The following NALF1 variants were observed in gnomAD, a reference collection of about 807,000 sequenced individuals.
The protein encoded by NALF1 is NALCN channel auxiliary factor 1.
In NALF1, 3 loss-of-function variants were observed where a neutral mutation model predicts 48.4. That is an observed-to-expected ratio of 0.06 (90% CI 0.03 to 0.16). The LOEUF is 0.16. Ranked by LOEUF, NALF1 falls within the 10% of genes least tolerant of loss-of-function variation. NALF1 has a pLI of 1.00. For missense variants in NALF1, 526 were observed against 571.5 expected (o/e 0.92, Z 0.81); for synonymous variants, 262 against 245.7 (o/e 1.07, Z -0.62).
At chr13:107,610,357 T>C (rs1879193341) in intron 1 of NALF1, among the ~76,000 whole-genome samples, 1 of 152,100 alleles carries the variant, frequency 6.6e-6, no homozygotes, top group Non-Finnish European at 1.5e-5. Flanking sequence ...TTCCAAAATA[T>C]CTACTTACCT....
At chr13:107,268,238 T>C (rs903650654) in intron 1 of NALF1, among the ~76,000 whole-genome samples, 1 of 152,062 alleles carries the variant, frequency 6.6e-6, no homozygotes, top group Non-Finnish European at 1.5e-5. Context: ...TCTGGCCGCC[T>C]CGGCCTCCCA....
intron 1 of NALF1, chr13:107,531,119 T>C (rs920528511): frequency 3.0e-5 from 5 of 164,720 alleles, no homozygotes; most frequent in Non-Finnish European, 7.3e-5. Context: ...TATTTTAACA[T>C]AGCTCTCCAG....
At chr13:107,363,503 G>T (rs770143220) in intron 1 of NALF1, among the ~76,000 whole-genome samples, 19 of 152,242 alleles carry the variant, frequency 1.2e-4, no homozygotes, top group Non-Finnish European at 2.5e-4. Flanking sequence ...AGAGGCTGAA[G>T]TGGGAGGACT....
intron 1 of NALF1, among the ~76,000 whole-genome samples, chr13:107,664,474 T>C (rs1308727550): frequency 1.3e-5 from 2 of 152,152 alleles, no homozygotes; most frequent in Admixed American, 1.3e-4. Context: ...TAACCCTCCA[T>C]TGTTTCCTAT....
chr13:107,215,746 G>T (rs1879859935), intron 1 of NALF1, among the ~76,000 whole-genome samples: 2 of 152,138 alleles, frequency 1.3e-5, no homozygotes, highest in South Asian at 2.1e-4. Context: ...AGGTGTGCTT[G>T]TGTGGTGTCC....
At chr13:107,857,205 CG>C (rs1259545835) in intron 1 of NALF1, among the ~76,000 whole-genome samples, 1 of 152,140 alleles carries the variant, frequency 6.6e-6, no homozygotes, top group African/African-American at 2.4e-5. Context: ...AGCTCTAGCT[CG>C]ACATCAAGGA....
chr13:107,848,098 G>T (rs547609609), intron 1 of NALF1, among the ~76,000 whole-genome samples: 1 of 152,266 alleles, frequency 6.6e-6, no homozygotes, highest in Non-Finnish European at 1.5e-5. Flanking sequence ...ATAATTCATT[G>T]TTTGCCACTT....
intron 1 of NALF1, among the ~76,000 whole-genome samples, chr13:107,383,116 A>C (rs1883469906): frequency 2.0e-5 from 3 of 152,186 alleles, no homozygotes; most frequent in Admixed American, 6.6e-5. Flanking sequence ...TGACCTTATT[A>C]AACTCTAAGG....
At chr13:107,201,200 C>T (rs1246284098) in intron 2 of NALF1, among the ~76,000 whole-genome samples, 1 of 151,586 alleles carries the variant, frequency 6.6e-6, no homozygotes, top group Non-Finnish European at 1.5e-5. Context: ...TCTATCTACC[C>T]ATCCATAAGT....
At position 107,521,764 on chromosome 13, in the gene NALF1, T is replaced by C. The variant is rs564423352; in HGVS notation, c.916-311009A>G. 7.2e-5 allele frequency among the ~76,000 whole-genome samples: 11 copies of C among 152,198 alleles called. No individual in the cohort carries two copies. In the East Asian group the frequency reaches 2.1e-3, roughly 29 times the overall value. On this transcript the variant is annotated intron_variant, in intron 1 of 2. Transcript: ENST00000375915. The stretch of plus-strand genomic sequence containing the variant: ...AGCCCATTGCCAAATAAACTATATA[T>C]ACCTAGGAGTACAAGAAAGACTTTT...
chr13:107,567,048 C>A lies in NALF1; in HGVS notation c.915+298634G>T, dbSNP rs116092511. On this transcript the variant is annotated intron_variant, in intron 1 of 2. Coordinates refer to ENST00000375915, the MANE Select transcript of NALF1 (RefSeq NM_001080396.3). ...GCATAAAAATAACAAATATTAAAGA[C>A]AAACATAATGAAAGAAATGAAAAAA... Among the ~76,000 whole-genome samples, 1,089 of 151,996 alleles carry A rather than the reference C, an allele frequency of 7.2e-3. 8 individuals are homozygous for A. The highest frequency in any genetic ancestry group is 0.03 in the South Asian group (143 of 4,824).
At chr13:107,394,529 C>T (rs1210617883) in intron 1 of NALF1, among the ~76,000 whole-genome samples, 2 of 152,236 alleles carry the variant, frequency 1.3e-5, no homozygotes, top group Non-Finnish European at 2.9e-5. Context: ...TGTGTATAGA[C>T]ATATCTCATT....
intron 1 of NALF1, among the ~76,000 whole-genome samples, chr13:107,755,270 G>A (rs1488898986): frequency 6.6e-6 from 1 of 151,928 alleles, no homozygotes; most frequent in Non-Finnish European, 1.5e-5. Context: ...ACATGTAGAA[G>A]GCACATCTTC....
rs576792017 is a variant in NALF1 at position 107,729,847 on chromosome 13, G to A, written c.915+135835C>T. On this transcript the variant is annotated intron_variant, in intron 1 of 2. Transcript: ENST00000375915. ...AACTAACTCGGAGGGTGTAGCTGCC[G>A]TGGCCACATACAGTTAGTTATTTAT... Among the ~76,000 whole-genome samples, 10 of 152,278 alleles carry A rather than the reference G, an allele frequency of 6.6e-5. No individual in the cohort carries two copies. The East Asian group carries it at 1.9e-3, about 29-fold the overall frequency.
intron 1 of NALF1, among the ~76,000 whole-genome samples, chr13:107,293,631 C>A (rs950641750): frequency 6.6e-6 from 1 of 152,108 alleles, no homozygotes; most frequent in Non-Finnish European, 1.5e-5. Context: ...CTTGAACTGG[C>A]CATTTCATAG....
chr13:107,333,477 G>A lies in NALF1; in HGVS notation c.916-122722C>T, dbSNP rs566349971. 1.1e-4 allele frequency among the ~76,000 whole-genome samples: 16 copies of A among 152,294 alleles called. No individual in the cohort carries two copies. The Middle Eastern group carries it at 0.017, about 162-fold the overall frequency. On this transcript the variant is annotated intron_variant, in intron 1 of 2. Transcript: ENST00000375915. Reference sequence around the variant, plus strand: ...CAGCAGGGAGGGCATGGCTCTGTGCGACCTCAGTTGGAGACAGACCTGTGG... The same window carrying A: ...CAGCAGGGAGGGCATGGCTCTGTGCAACCTCAGTTGGAGACAGACCTGTGG...
At chr13:107,759,873 C>A (rs1319548393) in intron 1 of NALF1, among the ~76,000 whole-genome samples, 2 of 152,058 alleles carry the variant, frequency 1.3e-5, no homozygotes, top group African/African-American at 4.8e-5. Context: ...CTGTGTCATG[C>A]TGGGAATGAA....
At chr13:107,440,832 G>A (rs1334406631) in intron 1 of NALF1, among the ~76,000 whole-genome samples, 1 of 152,112 alleles carries the variant, frequency 6.6e-6, no homozygotes, top group Admixed American at 6.5e-5. Flanking sequence ...TGTTGTCCAA[G>A]GAGCTCCTTC....
chr13:107,565,122 T>TATAAATA (rs1877765447), intron 1 of NALF1, among the ~76,000 whole-genome samples: 1 of 32,004 alleles, frequency 3.1e-5, no homozygotes, highest in Admixed American at 2.5e-4. Flanking sequence ...AAAACAGACA[T>TATAAATA]AAACAACCAT....
Sources: gnomAD v4.1 joint callset for allele counts (sites outside exome capture counted in the v4.1 genomes callset) on GRCh38, gnomAD v4.1.1 for gene constraint, MANE v1.5 for transcripts, NCBI Gene and HGNC (gene_info 2026-07-23, HGNC 2026-07-21) for gene names.